The following SBK1 variants were observed in gnomAD, a reference collection of about 807,000 sequenced individuals.
The protein encoded by SBK1 is SH3 domain binding kinase 1, also known as serine/threonine-protein kinase SBK1.
A neutral mutation model predicts 24.4 loss-of-function variants in SBK1; 11 were observed. The ratio of observed to expected loss-of-function variants is 0.45; its 90% CI spans 0.28 to 0.75. The LOEUF (loss-of-function observed/expected upper bound fraction) is 0.75, where lower values mean the gene tolerates loss of function less well. Among genes scored for constraint, SBK1 ranks in the 30% least tolerant of loss-of-function variants. SBK1 has a pLI of 0.12. For missense variants in SBK1, 467 were observed against 620.5 expected (o/e 0.75, Z 2.63); for synonymous variants, 308 against 284.4 (o/e 1.08, Z -0.83).
chr16:28,318,530 G>A (rs1258787185), intron 2 of SBK1, among the ~76,000 whole-genome samples: 2 of 152,238 alleles, frequency 1.3e-5, no homozygotes, highest in Non-Finnish European at 2.9e-5. Context: ...TAAATGCTCC[G>A]TGGACACACA....
rs1333806578 is a variant in SBK1 at position 28,317,420 on chromosome 16, C to T, written c.29C>T (p.Pro10Leu). ...AGCGTGGGCTGCCCAGAGCCTGAGC[C>T]GCCCCGCTCCCTGACCTGCTGTGGG... MSVGCPEPE[P>L]PRSLTCCGPG... The change falls in exon 2 of 4, where the codon CCG becomes CTG. Residue 10 changes from proline to leucine, a missense_variant. Transcript: ENST00000341901. This position sits in a 1 kb window ranked among gnomAD's most constrained non-coding sequence, Gnocchi z 4.2. 1.9e-6 allele frequency: 3 copies of T among 1,613,956 alleles called. No homozygotes were observed. The highest frequency in any genetic ancestry group is 1.7e-5 in the Admixed American group (1 of 60,016).
intron 1 of SBK1, among the ~76,000 whole-genome samples, chr16:28,271,054 G>A (rs1006378889): frequency 7.3e-5 from 11 of 151,398 alleles, no homozygotes; most frequent in East Asian, 2.0e-4. Context: ...TAGTAGAGAC[G>A]GGGTTTCACC....
chr16:28,279,413 CAAA>C (rs34582546), intron 1 of SBK1, among the ~76,000 whole-genome samples: 7 of 84,756 alleles, frequency 8.3e-5, no homozygotes, highest in Non-Finnish European at 1.3e-4. Flanking sequence ...AAAACAAAAC[CAAA>C]AAAAAAAAAA....
At chr16:28,280,115 C>CTATATATATATATATATATATATATATA (rs1193408430) in intron 1 of SBK1, among the ~76,000 whole-genome samples, 1 of 29,456 alleles carries the variant, frequency 3.4e-5, no homozygotes, top group African/African-American at 1.1e-4. Context: ...TTGAAAAAAA[C>CTATATATATATATATATATATATATATA]TATATATATA....
chr16:28,318,868 G>T, intron 2 of SBK1, 127 bp from the exon 3 acceptor site: 1 of 754,514 alleles, frequency 1.3e-6, no homozygotes. Context: ...GTTCCCATCC[G>T]TGAGATGAGG....
chr16:28,316,083 A>C (rs1302696213), intron 1 of SBK1, among the ~76,000 whole-genome samples: 1 of 152,076 alleles, frequency 6.6e-6, no homozygotes, highest in East Asian at 1.9e-4. Context: ...ATTTTTGAAA[A>C]AGTCAGGTTG....
intron 1 of SBK1, among the ~76,000 whole-genome samples, chr16:28,274,137 C>T (rs2044483030): frequency 6.6e-6 from 1 of 152,080 alleles, no homozygotes; most frequent in Admixed American, 6.6e-5. Context: ...GGAGGGTGGA[C>T]CTGTAACATA....
intron 2 of SBK1, among the ~76,000 whole-genome samples, chr16:28,318,730 T>A (rs1162343362): frequency 1.3e-5 from 2 of 152,142 alleles, no homozygotes; most frequent in Non-Finnish European, 2.9e-5. Context: ...CAGGACAAAA[T>A]GAGAGAGGTG....
At position 28,317,690 on chromosome 16, in the gene SBK1, T is replaced by G; in HGVS notation, c.226+73T>G. 2 of 1,059,800 alleles carry G rather than the reference T, an allele frequency of 1.9e-6. No individual in the cohort carries two copies. Among genetic ancestry groups the G allele is most frequent in the Non-Finnish European group, 2.9e-6 (2 of 692,660 alleles). The allele number at this position is 1,059,800 out of a possible 1,614,324, so 65.6% of individuals were successfully genotyped here. A position where few individuals can be genotyped will look rare whatever the true frequency, so the allele number is the denominator to read the frequency against. On this transcript the variant is annotated intron_variant, in intron 2 of 3. Coordinates refer to ENST00000341901, the MANE Select transcript of SBK1 (RefSeq NM_001024401.3). The surrounding 1 kb of genome is among the most constrained non-coding windows in gnomAD (Gnocchi z 4.2). ...GCTGGGAGGTCAGGGTTGGGGGACA[T>G]GACCTTGCAGCTGGGCCGGGGCTCT... is the stretch of plus-strand genomic sequence containing the variant.
At position 28,319,518 on chromosome 16, in the gene SBK1, G is replaced by A. The variant is rs2044822566; in HGVS notation, c.429+321G>A. 6.6e-6 allele frequency among the ~76,000 whole-genome samples: 1 copy of A among 152,124 alleles called. No homozygotes were observed. Among genetic ancestry groups the A allele is most frequent in the Non-Finnish European group, 1.5e-5 (1 of 68,012 alleles). On this transcript the variant is annotated intron_variant, in intron 3 of 3. Coordinates refer to ENST00000341901, the MANE Select transcript of SBK1 (RefSeq NM_001024401.3). The surrounding 1 kb of genome is among the most constrained non-coding windows in gnomAD (Gnocchi z 4.0). ...GAGGTGTCAGATCCACCTGGGAAGG[G>A]GCCCTCAGAGGAAGCGACCCTGGAA...
chr16:28,315,030 C>T (rs959869560), intron 1 of SBK1, among the ~76,000 whole-genome samples: 1 of 152,110 alleles, frequency 6.6e-6, no homozygotes, highest in African/African-American at 2.4e-5. Context: ...TAGAGGGAGG[C>T]TGCACCCGGA....
At chr16:28,298,514 T>G (rs543880614) in intron 1 of SBK1, among the ~76,000 whole-genome samples, 3 of 152,358 alleles carry the variant, frequency 2.0e-5, no homozygotes, top group African/African-American at 7.2e-5. Flanking sequence ...AGGTCAGTTG[T>G]CTCCTGGGCC....
chr16:28,318,568 A>G (rs924136098), intron 2 of SBK1, among the ~76,000 whole-genome samples: 2 of 152,238 alleles, frequency 1.3e-5, no homozygotes, highest in Non-Finnish European at 2.9e-5. Context: ...TATGTACCAG[A>G]TGGGCACAGA....
intron 1 of SBK1, among the ~76,000 whole-genome samples, chr16:28,310,927 C>T (rs935648245): frequency 3.3e-5 from 5 of 152,228 alleles, no homozygotes; most frequent in South Asian, 2.1e-4. Context: ...AGGCCCATTG[C>T]TCCCCCTGTG....
intron 1 of SBK1, among the ~76,000 whole-genome samples, chr16:28,261,342 C>A (rs1008824901): frequency 2.0e-5 from 3 of 151,844 alleles, no homozygotes; most frequent in Non-Finnish European, 4.4e-5. Flanking sequence ...CACCTGTAAC[C>A]CCAGACCTTT....
At chr16:28,313,140 A>T (rs956955427) in intron 1 of SBK1, among the ~76,000 whole-genome samples, 1 of 152,042 alleles carries the variant, frequency 6.6e-6, no homozygotes, top group African/African-American at 2.4e-5. Context: ...AAAATACGAA[A>T]AAAAATTATC....
upstream of SBK1, chr16:28,290,370 C>G (rs1355835493): frequency 1.3e-5 from 2 of 152,174 alleles, no homozygotes. Context: ...CACGGTGGCT[C>G]ATGCCTGTAA....
At chr16:28,295,255 G>A (rs2044630383) in intron 1 of SBK1, among the ~76,000 whole-genome samples, 1 of 152,170 alleles carries the variant, frequency 6.6e-6, no homozygotes, top group Admixed American at 6.5e-5. Context: ...TCAAGTCGCT[G>A]AGTCCAGATA....
Position 28,312,437 on chromosome 16 carries a change from A to G in SBK1, c.-7-4948A>G, listed in dbSNP as rs552611532. 8.5e-5 allele frequency among the ~76,000 whole-genome samples: 13 copies of G among 152,310 alleles called. No individual in the cohort carries two copies. The South Asian group carries it at 1.5e-3, about 17-fold the overall frequency. ...ATCACGCGGAGATGTCGCCCCATGT[A>G]AGCCCAGCTGGTGGCTGCGGGAAAG... On this transcript the variant is annotated intron_variant, in intron 1 of 3. Coordinates refer to ENST00000341901, the MANE Select transcript of SBK1 (RefSeq NM_001024401.3).
Sources: gnomAD v4.1 joint callset for allele counts (sites outside exome capture counted in the v4.1 genomes callset) on GRCh38, gnomAD v4.1.1 for gene constraint, Gnocchi (gnomAD v3.1) non-coding constraint, MANE v1.5 for transcripts, NCBI Gene and HGNC (gene_info 2026-07-23, HGNC 2026-07-21) for gene names.